KIAA0232: variants seen among roughly 807,000 people sequenced by gnomAD.
KIAA0232 encodes the protein KIAA0232.
In KIAA0232, 27 loss-of-function variants were observed where a neutral mutation model predicts 122.0. The observed-to-expected ratio is 0.22, with a 90% CI of 0.16 to 0.31. The LOEUF is 0.31. KIAA0232 is among the 10% of genes least tolerant of loss of function. The probability of loss-of-function intolerance (pLI) is 1.00; values close to 1 mark genes in which losing one functional copy is unlikely to be tolerated. For synonymous variants in KIAA0232, 613 were observed against 587.6 expected, an observed-to-expected ratio of 1.04 and a Z score of -0.63; for missense variants, 1,551 against 1,634.2, an observed-to-expected ratio of 0.95 and a Z score of 0.88.
chr4:6,783,927 G>C (rs1716488895), intron 1 of KIAA0232, among the ~76,000 whole-genome samples: 1 of 152,138 alleles, frequency 6.6e-6, no homozygotes, highest in Non-Finnish European at 1.5e-5. Context: ...AGTGTGTGTC[G>C]TGTTGGAATG....
rs768015476 is a variant in KIAA0232, at chr4:6,863,823, G to T, written c.3441G>T (p.Pro1147=). 8 of 1,614,080 alleles carry T rather than the reference G, an allele frequency of 5.0e-6. No individual in the cohort carries two copies. In the East Asian group the frequency reaches 8.9e-5, roughly 18 times the overall value. ...IPSQVDIFED[P]QADLKPLEED... ...CTCAAGTTGATATATTTGAAGATCCGCAGGCAGATCTCAAACCTTTGGAAG... is the reference window on the plus strand; with the variant it reads ...CTCAAGTTGATATATTTGAAGATCCTCAGGCAGATCTCAAACCTTTGGAAG... Residue 1147 remains proline, a synonymous_variant, in exon 7 of 10, where the codon CCG becomes CCT. Transcript: ENST00000307659.
chr4:6,783,604 A>C (rs983097869), intron 1 of KIAA0232, among the ~76,000 whole-genome samples: 1 of 149,458 alleles, frequency 6.7e-6, no homozygotes, highest in Non-Finnish European at 1.5e-5. Flanking sequence ...GGAAGGGAAA[A>C]CCGCCGGGCG....
chr4:6,877,189 G>C (rs1046147869), intron 9 of KIAA0232, among the ~76,000 whole-genome samples: 1 of 152,038 alleles, frequency 6.6e-6, no homozygotes, highest in Non-Finnish European at 1.5e-5. Context: ...CCGCTGTCCC[G>C]GCTTCTGCAG....
In KIAA0232 at chr4:6,864,202, GTA is replaced by G; in HGVS notation, c.3801+21_3801+22del. ...GGAAGAGGTATGTGTCTGCGTGTTG[GTA>G]TTTGACAAAAGGATTTGATCAGAGT... On this transcript the variant is annotated intron_variant, in intron 7 of 9. Coordinates refer to ENST00000307659, the MANE Select transcript of KIAA0232 (RefSeq NM_014743.3). The G allele has an allele frequency of 6.3e-7, 1 of 1,576,692 alleles. No homozygotes were observed.
chr4:6,809,423 C>G (rs1717777200), intron 2 of KIAA0232, among the ~76,000 whole-genome samples: 1 of 152,178 alleles, frequency 6.6e-6, no homozygotes, highest in Non-Finnish European at 1.5e-5. Context: ...CTTATTTTCT[C>G]TGGCCCCCTA....
At chr4:6,826,443 A>G (rs73199903) in intron 3 of KIAA0232, among the ~76,000 whole-genome samples, 1 of 152,142 alleles carries the variant, frequency 6.6e-6, no homozygotes, top group Non-Finnish European at 1.5e-5. Context: ...AATGAGGAAA[A>G]TATTTCTCAT....
chr4:6,867,973 T>C (rs1283156417), intron 7 of KIAA0232, among the ~76,000 whole-genome samples: 2 of 152,354 alleles, frequency 1.3e-5, no homozygotes, highest in East Asian at 1.9e-4. Flanking sequence ...TATCTCTTCA[T>C]TGATGTTTCA....
intron 2 of KIAA0232, among the ~76,000 whole-genome samples, chr4:6,819,630 G>A (rs1718325792): frequency 6.6e-6 from 1 of 152,176 alleles, no homozygotes; most frequent in Admixed American, 6.5e-5. Context: ...AGAGAAAAGG[G>A]AACACTCATG....
chr4:6,785,578 C>T (rs1037508616), intron 1 of KIAA0232, among the ~76,000 whole-genome samples: 2 of 152,222 alleles, frequency 1.3e-5, no homozygotes, highest in Non-Finnish European at 2.9e-5. Context: ...GTTAAAACCT[C>T]AGATTACTTG....
intron 1 of KIAA0232, among the ~76,000 whole-genome samples, chr4:6,796,790 G>A (rs1179649614): frequency 1.3e-5 from 2 of 152,136 alleles, no homozygotes; most frequent in East Asian, 3.9e-4. Context: ...TTCTGAGCTC[G>A]TAGGGTGTCT....
rs1304414895 is a variant in KIAA0232 at position 6,861,367 on chromosome 4, A to C, written c.985A>C (p.Asn329His). 6.2e-7 allele frequency: 1 copy of C among 1,614,184 alleles called. No homozygotes were observed. The highest frequency in any genetic ancestry group is 1.7e-5 in the Admixed American group (1 of 59,998). ...AGAGATTCGAAACAAAAAAGGGCGG[A>C]ATGGGCAAAGCAGGCTTTCTTTGAA... ...AREIRNKKGR[N>H]GQSRLSLKHG... The change falls in exon 7 of 10, where the codon AAT becomes CAT. Residue 329 changes from asparagine to histidine, a missense_variant. Around this residue, in one of 5 missense-constraint regions of KIAA0232, gnomAD observed 377 missense variants for 381.7 expected, o/e 0.99. Coordinates refer to ENST00000307659, the MANE Select transcript of KIAA0232 (RefSeq NM_014743.3).
intron 1 of KIAA0232, among the ~76,000 whole-genome samples, chr4:6,785,157 T>G (rs1716561933): frequency 6.6e-6 from 1 of 152,134 alleles, no homozygotes; most frequent in Non-Finnish European, 1.5e-5. Flanking sequence ...CAGGATGGTC[T>G]TTCTCTCCTG....
chr4:6,807,332 A>G (rs561354532), intron 2 of KIAA0232, among the ~76,000 whole-genome samples: 64 of 152,246 alleles, frequency 4.2e-4, no homozygotes, highest in Non-Finnish European at 6.5e-4. Flanking sequence ...AATCCTGTTT[A>G]TGAAAATATT....
At chr4:6,787,087 A>G (rs1349911909) in intron 1 of KIAA0232, among the ~76,000 whole-genome samples, 1 of 150,290 alleles carries the variant, frequency 6.7e-6, no homozygotes, top group African/African-American at 2.4e-5. Flanking sequence ...AGGCTGAGGC[A>G]GTAGAATCTC....
chr4:6,833,072 C>T (rs55678428), intron 3 of KIAA0232, among the ~76,000 whole-genome samples: 6 of 152,306 alleles, frequency 3.9e-5, no homozygotes, highest in African/African-American at 1.4e-4. Flanking sequence ...ACTCCTGTAG[C>T]GTGTCCCGTT....
chr4:6,821,407 T>G (rs1177492900), intron 2 of KIAA0232, among the ~76,000 whole-genome samples: 1 of 152,094 alleles, frequency 6.6e-6, no homozygotes, highest in Non-Finnish European at 1.5e-5. Flanking sequence ...CAAAGTCCAC[T>G]GGTATCATTC....
chr4:6,864,714 G>A (rs1721075750), intron 7 of KIAA0232, among the ~76,000 whole-genome samples: 1 of 138,114 alleles, frequency 7.2e-6, no homozygotes, highest in Non-Finnish European at 1.5e-5. Flanking sequence ...CTCCAGCCTG[G>A]GTGACAGGGT....
intron 3 of KIAA0232, among the ~76,000 whole-genome samples, chr4:6,831,819 G>A (rs1322109786): frequency 6.6e-6 from 1 of 152,106 alleles, no homozygotes; most frequent in Non-Finnish European, 1.5e-5. Flanking sequence ...TCTCCCTCTG[G>A]CCCTAAGAGT....
Position 6,837,334 on chromosome 4 carries a change from G to A in KIAA0232, c.232-4733G>A, listed in dbSNP as rs543290509. The stretch of plus-strand genomic sequence containing the variant: ...AATGGGGTCGCGGCTGGGCAGAGGT[G>A]CTCCCCACATCCCAGACGATGGGCG... On this transcript the variant is annotated intron_variant, in intron 3 of 9. Transcript: ENST00000307659. Among the ~76,000 whole-genome samples the A allele has an allele frequency of 4.1e-4, 61 of 150,530 alleles. 1 individual carries two copies. The South Asian group carries it at 0.011, about 26-fold the overall frequency.
Sources: gnomAD v4.1 joint callset for allele counts (sites outside exome capture counted in the v4.1 genomes callset) on GRCh38, gnomAD v4.1.1 for gene constraint, gnomAD v4.1.1 regional missense constraint, MANE v1.5 for transcripts, NCBI Gene and HGNC (gene_info 2026-07-23, HGNC 2026-07-21) for gene names.